The following LITAF variants were observed in gnomAD, a reference collection of about 807,000 sequenced individuals.
LITAF encodes lipopolysaccharide induced TNF factor.
Under a neutral mutation model 14.5 loss-of-function variants are expected in LITAF, and 9 were observed. The observed-to-expected ratio is 0.62, with a 90% CI of 0.37 to 1.08. The LOEUF (loss-of-function observed/expected upper bound fraction) is 1.08, where lower values mean the gene tolerates loss of function less well. Among genes scored for constraint, LITAF ranks in the 50% least tolerant of loss-of-function variants. The probability of loss-of-function intolerance (pLI) is 0.01; values close to 1 mark genes in which losing one functional copy is unlikely to be tolerated. For synonymous variants in LITAF, 98 were observed against 88.2 expected (o/e 1.11, Z -0.62); for missense variants, 206 against 213.4 (o/e 0.97, Z 0.22).
intron 1 of LITAF, among the ~76,000 whole-genome samples, chr16:11,585,742 GTCTT>G (rs1482481525): frequency 1.3e-5 from 2 of 152,332 alleles, no homozygotes; most frequent in East Asian, 3.9e-4. Flanking sequence ...GCTTCAGACA[GTCTT>G]TGAACCAGCA....
rs149085025 is a variant in LITAF at position 11,605,706 on chromosome 16, C to A, written c.85+27827G>T. 9.2e-5 allele frequency among the ~76,000 whole-genome samples: 14 copies of A among 152,296 alleles called. No homozygotes were observed. The highest frequency in any genetic ancestry group is 1.9e-4 in the Non-Finnish European group (13 of 68,034). On this transcript the variant is annotated intron_variant, in intron 3 of 3. Transcript: ENST00000574848. This position sits in a 1 kb window ranked among gnomAD's most constrained non-coding sequence, Gnocchi z 4.7. ...GCTGGAGGCCAGGAGTTCGAAGCTG[C>A]AGTGAGCTATGATTGCACCACTGCA...
At chr16:11,551,840 CA>C (rs1203218544) in intron 3 of LITAF, 5 of 535,080 alleles carry the variant, frequency 9.3e-6, no homozygotes, top group Admixed American at 3.5e-5. Flanking sequence ...TCAAACAAAA[CA>C]AAACAAGTTT....
At chr16:11,566,731 C>T (rs2064456479) in intron 1 of LITAF, among the ~76,000 whole-genome samples, 3 of 151,842 alleles carry the variant, frequency 2.0e-5, no homozygotes, top group African/African-American at 7.3e-5. Flanking sequence ...ATAATAGTGC[C>T]ACTGCAATTC....
chr16:11,619,635 T>G (rs2065038410), intron 3 of LITAF, among the ~76,000 whole-genome samples: 1 of 151,328 alleles, frequency 6.6e-6, no homozygotes. Flanking sequence ...GGTATGATCA[T>G]AGCTCACTGC....
At chr16:11,598,096 G>A (rs891933912) in intron 1 of LITAF, among the ~76,000 whole-genome samples, 1 of 152,036 alleles carries the variant, frequency 6.6e-6, no homozygotes, top group East Asian at 1.9e-4. Context: ...GTAGAGATGG[G>A]TTTCCCAGGC....
chr16:11,576,072 A>G (rs2064627582), intron 1 of LITAF, among the ~76,000 whole-genome samples: 1 of 152,120 alleles, frequency 6.6e-6, no homozygotes, highest in South Asian at 2.1e-4. Context: ...AATTTTTTGT[A>G]GAGACGGGGT....
chr16:11,587,248 G>A (rs1402352955), upstream of LITAF: 2 of 394,738 alleles, frequency 5.1e-6, no homozygotes, highest in Non-Finnish European at 5.0e-6. Flanking sequence ...CGACAGCCTG[G>A]CCCTCCCTCC....
chr16:11,603,755 C>G (rs1210634906), intron 3 of LITAF, among the ~76,000 whole-genome samples: 1 of 152,156 alleles, frequency 6.6e-6, no homozygotes, highest in Admixed American at 6.5e-5. Context: ...ATTTAAGAAT[C>G]CACTAGAGGC....
intron 3 of LITAF, among the ~76,000 whole-genome samples, chr16:11,630,559 C>A (rs2141906273): frequency 6.7e-6 from 1 of 148,606 alleles, no homozygotes; most frequent in East Asian, 2.0e-4. Flanking sequence ...CCCCTACCTG[C>A]CCCTGGCCAA....
intron 3 of LITAF, among the ~76,000 whole-genome samples, chr16:11,633,122 G>C (rs561918254): frequency 2.6e-5 from 4 of 152,272 alleles, no homozygotes; most frequent in Middle Eastern, 3.4e-3. Flanking sequence ...ACAGGAACCA[G>C]ACACATCACG....
At chr16:11,565,958 C>A (rs1274943035) in intron 1 of LITAF, among the ~76,000 whole-genome samples, 2 of 151,964 alleles carry the variant, frequency 1.3e-5, no homozygotes, top group Non-Finnish European at 2.9e-5. Flanking sequence ...CCTCCAGGCG[C>A]CCCATGCCCC....
chr16:11,635,364 C>T (rs1597378972), intron 2 of LITAF, among the ~76,000 whole-genome samples: 4 of 152,220 alleles, frequency 2.6e-5, no homozygotes, highest in Admixed American at 2.6e-4. Context: ...CAGAGCCAAC[C>T]CCTGTACTGG....
chr16:11,630,843 C>T (rs879745339), intron 3 of LITAF, among the ~76,000 whole-genome samples: 6 of 151,990 alleles, frequency 3.9e-5, no homozygotes, highest in Non-Finnish European at 5.9e-5. Flanking sequence ...ATGATCCTCC[C>T]GCCTCAGCCT....
At chr16:11,567,434 C>CACAAAACAAA (rs535454875) in intron 1 of LITAF, among the ~76,000 whole-genome samples, 3 of 146,838 alleles carry the variant, frequency 2.0e-5, no homozygotes, top group Non-Finnish European at 4.5e-5. Context: ...AAAAAAAAAA[C>CACAAAACAAA]ACAAAACAAA....
At chr16:11,599,341 C>A (rs1335941165), upstream of LITAF, among the ~76,000 whole-genome samples, 1 of 152,160 alleles carries the variant, frequency 6.6e-6, no homozygotes, top group Non-Finnish European at 1.5e-5. Context: ...TGGTCTCGAA[C>A]TCCTGACCTC....
chr16:11,614,283 CTTTCTTTTTCTTTTCT>C (rs1275380405), intron 3 of LITAF, among the ~76,000 whole-genome samples: 1 of 147,862 alleles, frequency 6.8e-6, no homozygotes, highest in Non-Finnish European at 1.5e-5. Context: ...CTTTCCTCTT[CTTTCTTTTTCTTTTCT>C]TTTTTTTTTT....
At chr16:11,604,537 T>A (rs1194078251) in intron 3 of LITAF, among the ~76,000 whole-genome samples, 1 of 151,046 alleles carries the variant, frequency 6.6e-6, no homozygotes, top group East Asian at 2.0e-4. Flanking sequence ...CCAGGTGTGA[T>A]GGCTCACGCT....
chr16:11,630,889 GC>G (rs2065114734), intron 3 of LITAF, among the ~76,000 whole-genome samples: 1 of 152,110 alleles, frequency 6.6e-6, no homozygotes, highest in Non-Finnish European at 1.5e-5. Flanking sequence ...GGGCCACGGT[GC>G]CCGGCCTGCC....
intron 1 of LITAF, among the ~76,000 whole-genome samples, chr16:11,559,850 C>G (rs1194981285): frequency 6.6e-6 from 1 of 150,722 alleles, no homozygotes; most frequent in African/African-American, 2.4e-5. Context: ...TAAAAATTAG[C>G]CAGACATGGT....
Sources: allele counts gnomAD v4.1 joint callset (sites outside exome capture counted in the v4.1 genomes callset), GRCh38; gene constraint gnomAD v4.1.1; non-coding constraint Gnocchi (gnomAD v3.1); transcripts MANE v1.5; gene names NCBI Gene and HGNC (gene_info 2026-07-23, HGNC 2026-07-21).